Variants in NDE1 observed in about 807,000 individuals in gnomAD.
NDE1 encodes the protein nudE neurodevelopment protein 1.
A neutral mutation model predicts 43.4 loss-of-function variants in NDE1; 28 were observed. That is an observed-to-expected ratio of 0.65 (90% confidence interval 0.48 to 0.89). The LOEUF is 0.89. Ranked by LOEUF, NDE1 falls within the 40% of genes least tolerant of loss-of-function variation. The pLI is 0.00. For synonymous variants in NDE1, 184 were observed against 172.0 expected (o/e 1.07, Z -0.55); for missense variants, 441 against 434.1 (o/e 1.02, Z -0.14).
At chr16:15,644,059 AT>A (rs1318748228) in intron 1 of NDE1, 2 of 152,158 alleles carry the variant, frequency 1.3e-5, no homozygotes, top group Non-Finnish European at 2.9e-5. Context: ...CAAAAGGGTG[AT>A]TTCTGAAACT....
chr16:15,652,574 A>C (rs2036556558), intron 1 of NDE1, among the ~76,000 whole-genome samples: 1 of 152,302 alleles, frequency 6.6e-6, no homozygotes, highest in East Asian at 1.9e-4. Flanking sequence ...AGGAGGCAAA[A>C]CCACAGTAGG....
At chr16:15,649,056 T>C (rs2036390862), upstream of NDE1, among the ~76,000 whole-genome samples, 1 of 151,298 alleles carries the variant, frequency 6.6e-6, no homozygotes, top group Admixed American at 6.6e-5. Context: ...ATTAGCCGGG[T>C]GTGGTGATGC....
At chr16:15,708,960 T>G in intron 8 of NDE1, 1 of 1,086,730 alleles carries the variant, frequency 9.2e-7, no homozygotes, top group Non-Finnish European at 1.4e-6. Context: ...GCACTCTTTT[T>G]TATTTTGAGA....
intron 1 of NDE1, among the ~76,000 whole-genome samples, chr16:15,650,783 G>C (rs8054732): frequency 0.011 from 1,629 of 151,576 alleles, 36 homozygotes; most frequent in African/African-American, 0.036. Flanking sequence ...CCTGCCACCC[G>C]CTTCTCTGCG....
chr16:15,724,123 G>A (rs761482927), intron 8 of NDE1, 68 bp from the exon 9 acceptor site: 62 of 1,611,092 alleles, frequency 3.8e-5, no homozygotes, highest in Non-Finnish European at 5.0e-5. Context: ...CCAACCCAGC[G>A]TCCATGGCCA....
At position 15,651,103 on chromosome 16, in the gene NDE1, C is replaced by T. The variant is rs572357205; in HGVS notation, c.-44+809C>T. On this transcript the variant is annotated intron_variant, in intron 1 of 8. Transcript: ENST00000396354. The stretch of plus-strand genomic sequence containing the variant: ...CACCTTGACACCGCTTTTGGGGAGG[C>T]GACTTTATCTTCTCCGAGCCATCTC... Among the ~76,000 whole-genome samples, 5 of 152,294 alleles carry T rather than the reference C, an allele frequency of 3.3e-5. No individual in the cohort carries two copies. In the East Asian group the frequency reaches 9.6e-4, roughly 29 times the overall value.
chr16:15,718,531 C>T (rs997943870), intron 8 of NDE1: 8 of 1,483,228 alleles, frequency 5.4e-6, no homozygotes, highest in African/African-American at 1.4e-5. Flanking sequence ...GTATTGCCCT[C>T]ATCATCTAAT....
At chr16:15,716,412 G>A (rs946456274) in intron 8 of NDE1, among the ~76,000 whole-genome samples, 1 of 152,164 alleles carries the variant, frequency 6.6e-6, no homozygotes, top group African/African-American at 2.4e-5. Context: ...AGAATCCAAT[G>A]GTAAGAAATG....
chr16:15,665,759 C>CT (rs77651053), intron 2 of NDE1, among the ~76,000 whole-genome samples: 279 of 135,400 alleles, frequency 2.1e-3, no homozygotes, highest in Admixed American at 4.4e-3. Flanking sequence ...ATCTTATTTT[C>CT]TTTTTTTTTT....
chr16:15,703,756 T>G, intron 8 of NDE1: 1 of 568,166 alleles, frequency 1.8e-6, no homozygotes, highest in Non-Finnish European at 3.1e-6. Context: ...GCCCAGCTTA[T>G]TTTTAAATTC....
At chr16:15,706,003 A>AAAAAAAAAT (rs2039431716) in intron 8 of NDE1, among the ~76,000 whole-genome samples, 2 of 150,970 alleles carry the variant, frequency 1.3e-5, no homozygotes, top group South Asian at 2.1e-4. Context: ...AAAAAAAAAA[A>AAAAAAAAAT]AATCAAGGCC....
intron 1 of NDE1, among the ~76,000 whole-genome samples, chr16:15,652,638 T>C (rs905566343): frequency 1.3e-5 from 2 of 152,132 alleles, no homozygotes; most frequent in Non-Finnish European, 2.9e-5. Context: ...CCTGGAACAA[T>C]AGCTATTTTA....
rs1246060293 is a variant in NDE1, at chr16:15,715,025, C to T, written c.948-9166C>T. ...TGGCGTTGATGCGCTGGGACTCCTC[C>T]TCTGCCTCCTCCAGCTGCCTCTTGA... On this transcript the variant is annotated intron_variant, in intron 8 of 8. Transcript: ENST00000396354. 5 of 1,613,922 alleles carry T rather than the reference C, an allele frequency of 3.1e-6. No individual in the cohort carries two copies. Among genetic ancestry groups the T allele is most frequent in the Non-Finnish European group, 4.2e-6 (5 of 1,180,032 alleles).
intron 5 of NDE1, 147 bp from the exon 6 acceptor site, chr16:15,690,997 G>C: frequency 1.1e-6 from 1 of 869,652 alleles, no homozygotes; most frequent in Non-Finnish European, 1.9e-6. Flanking sequence ...CAATAGAGAT[G>C]AGGTTTCACC....
intron 4 of NDE1, among the ~76,000 whole-genome samples, chr16:15,684,012 C>T (rs951952539): frequency 6.6e-6 from 1 of 152,074 alleles, no homozygotes; most frequent in African/African-American, 2.4e-5. Flanking sequence ...GGGCGGATCA[C>T]CTGAGGTTAG....
At chr16:15,724,112 C>T in intron 8 of NDE1, 79 bp from the exon 9 acceptor site, 1 of 1,610,058 alleles carries the variant, frequency 6.2e-7, no homozygotes, top group Non-Finnish European at 8.5e-7. Context: ...GAGCTGATTC[C>T]CCAACCCAGC....
chr16:15,664,940 G>A (rs911091244), intron 2 of NDE1, 79 bp downstream of exon 2: 23 of 1,146,060 alleles, frequency 2.0e-5, no homozygotes, highest in South Asian at 4.9e-5. Context: ...GGCTGAGTGC[G>A]GTGGCTGTTC....
At chr16:15,709,718 T>G (rs1286543613) in intron 8 of NDE1, among the ~76,000 whole-genome samples, 2 of 152,196 alleles carry the variant, frequency 1.3e-5, no homozygotes, top group African/African-American at 4.8e-5. Flanking sequence ...TAAAAGCATT[T>G]GAGCAAGCTA....
At chr16:15,675,042 T>A (rs1596583420) in intron 3 of NDE1, among the ~76,000 whole-genome samples, 1 of 152,098 alleles carries the variant, frequency 6.6e-6, no homozygotes, top group South Asian at 2.1e-4. Flanking sequence ...ATGATTTGTC[T>A]GAAGATTGCT....
Sources: gnomAD v4.1 joint callset for allele counts (sites outside exome capture counted in the v4.1 genomes callset) on GRCh38, gnomAD v4.1.1 for gene constraint, MANE v1.5 for transcripts, NCBI Gene and HGNC (gene_info 2026-07-23, HGNC 2026-07-21) for gene names.